GAS2: variants seen among roughly 807,000 people sequenced by gnomAD.
GAS2 encodes the protein growth arrest-specific protein 2.
Under a neutral mutation model 37.5 loss-of-function variants are expected in GAS2, and 20 were observed. The ratio of observed to expected loss-of-function variants is 0.53; its 90% CI spans 0.37 to 0.77. The LOEUF is 0.77. Among genes scored for constraint, GAS2 ranks in the 30% least tolerant of loss-of-function variants. GAS2 has a pLI of 0.00. For synonymous variants in GAS2, 144 were observed against 132.2 expected (o/e 1.09, Z -0.61); for missense variants, 336 against 373.4 (o/e 0.90, Z 0.82).
intron 6 of GAS2, among the ~76,000 whole-genome samples, chr11:22,750,528 A>T (rs1853668640): frequency 6.6e-6 from 1 of 152,088 alleles, no homozygotes; most frequent in Admixed American, 6.6e-5. Flanking sequence ...ACTAAAGAAG[A>T]ACAGGAAAGA....
intron 3 of GAS2, among the ~76,000 whole-genome samples, chr11:22,715,911 C>A (rs1311559806): frequency 3.3e-5 from 5 of 151,800 alleles, no homozygotes; most frequent in African/African-American, 1.2e-4. Flanking sequence ...AACTACAAAC[C>A]AATATCCCTG....
At chr11:22,716,098 C>T (rs1851666505) in intron 3 of GAS2, among the ~76,000 whole-genome samples, 1 of 152,122 alleles carries the variant, frequency 6.6e-6, no homozygotes, top group African/African-American at 2.4e-5. Context: ...AACATACGAT[C>T]ATCTCAGTAG....
At chr11:22,777,301 T>A (rs546487185) in intron 7 of GAS2, among the ~76,000 whole-genome samples, 53 of 152,284 alleles carry the variant, frequency 3.5e-4, no homozygotes, top group Admixed American at 4.6e-4. Flanking sequence ...CTCTTGTATA[T>A]AAGGAACTGG....
intron 1 of GAS2, among the ~76,000 whole-genome samples, chr11:22,654,677 T>A (rs1329351589): frequency 1.3e-5 from 2 of 152,308 alleles, no homozygotes; most frequent in African/African-American, 4.8e-5. Context: ...ATTACAAATG[T>A]AAGCCATCAT....
At chr11:22,678,422 A>AG (rs1225141841) in intron 2 of GAS2, among the ~76,000 whole-genome samples, 1 of 152,104 alleles carries the variant, frequency 6.6e-6, no homozygotes. Context: ...TTTATTATGC[A>AG]GCTCTTTTTC....
At chr11:22,691,605 T>C (rs1224881675) in intron 3 of GAS2, among the ~76,000 whole-genome samples, 1 of 152,194 alleles carries the variant, frequency 6.6e-6, no homozygotes, top group African/African-American at 2.4e-5. Context: ...TTTATTGTTC[T>C]AAATTGCAAA....
chr11:22,801,231 A>C (rs1200182379), intron 7 of GAS2, among the ~76,000 whole-genome samples: 2 of 152,100 alleles, frequency 1.3e-5, no homozygotes, highest in Non-Finnish European at 2.9e-5. Context: ...CTGTTATCAC[A>C]TATCATAGAA....
chr11:22,804,132 T>A lies in GAS2; in HGVS notation c.724-7666T>A, dbSNP rs146020157. ...TGAACATCAGGGAAGAAGCAAGGGC[T>A]AGAGTTATAATTTGGGAAACAAAAG... On this transcript the variant is annotated intron_variant, in intron 7 of 7. Coordinates refer to ENST00000454584, the MANE Select transcript of GAS2 (RefSeq NM_001143830.3). Among the ~76,000 whole-genome samples, 1,003 of 152,212 alleles carry A rather than the reference T, an allele frequency of 6.6e-3. 7 individuals are homozygous for A. The highest frequency in any genetic ancestry group is 0.019 in the African/African-American group (794 of 41,534).
At chr11:22,727,420 T>G (rs892239457) in intron 4 of GAS2, among the ~76,000 whole-genome samples, 6 of 152,060 alleles carry the variant, frequency 3.9e-5, no homozygotes, top group African/African-American at 1.4e-4. Flanking sequence ...CTATTGCCCC[T>G]AGGCCCCATT....
intron 1 of GAS2, among the ~76,000 whole-genome samples, chr11:22,642,498 GT>G (rs1403992970): frequency 1.3e-5 from 2 of 152,056 alleles, no homozygotes; most frequent in Non-Finnish European, 2.9e-5. Context: ...TTATAAACTT[GT>G]TTTTTCATCA....
chr11:22,743,039 T>C (rs1198882264), intron 5 of GAS2, among the ~76,000 whole-genome samples: 1 of 152,080 alleles, frequency 6.6e-6, no homozygotes, highest in East Asian at 1.9e-4. Flanking sequence ...ATTTTATAGC[T>C]TCCTGGAACT....
intron 3 of GAS2, among the ~76,000 whole-genome samples, chr11:22,695,965 A>G (rs888277210): frequency 3.3e-5 from 5 of 151,986 alleles, no homozygotes; most frequent in Non-Finnish European, 5.9e-5. Flanking sequence ...ATTATACTTT[A>G]AGTTTTAGGG....
chr11:22,739,593 A>G (rs1256804970), intron 5 of GAS2, among the ~76,000 whole-genome samples: 3 of 149,220 alleles, frequency 2.0e-5, no homozygotes, highest in Non-Finnish European at 4.4e-5. Flanking sequence ...AAAAAAAAAA[A>G]AAAAGAAAGG....
chr11:22,705,571 A>G (rs1359351681), intron 3 of GAS2, among the ~76,000 whole-genome samples: 1 of 152,212 alleles, frequency 6.6e-6, no homozygotes, highest in Non-Finnish European at 1.5e-5. Context: ...ATATAATAAT[A>G]TAGATATCAA....
At chr11:22,636,104 G>C (rs932674435) in intron 1 of GAS2, among the ~76,000 whole-genome samples, 1 of 152,180 alleles carries the variant, frequency 6.6e-6, no homozygotes, top group South Asian at 2.1e-4. Flanking sequence ...CTATGTTTTT[G>C]TTTGTTTGTT....
intron 1 of GAS2, among the ~76,000 whole-genome samples, chr11:22,636,399 T>A (rs1048388154): frequency 4.6e-5 from 7 of 152,176 alleles, no homozygotes; most frequent in African/African-American, 1.7e-4. Flanking sequence ...AAATATAAAA[T>A]GCCACAGATA....
intron 6 of GAS2, among the ~76,000 whole-genome samples, chr11:22,750,763 G>A (rs1223222698): frequency 6.6e-6 from 1 of 151,788 alleles, no homozygotes; most frequent in Non-Finnish European, 1.5e-5. Context: ...AGGGTAAGAT[G>A]TACCTCTAGT....
intron 3 of GAS2, among the ~76,000 whole-genome samples, chr11:22,695,270 A>G (rs1252060174): frequency 1.3e-5 from 2 of 152,254 alleles, no homozygotes; most frequent in East Asian, 1.9e-4. Context: ...CAGTTAGCCA[A>G]GATCACGCCA....
intron 7 of GAS2, among the ~76,000 whole-genome samples, chr11:22,795,379 A>G (rs1225716713): frequency 3.3e-5 from 5 of 152,116 alleles, no homozygotes. Flanking sequence ...CAATGGGGAA[A>G]GAGAAGCAGA....
Sources: gnomAD v4.1 joint callset for allele counts (sites outside exome capture counted in the v4.1 genomes callset) on GRCh38, gnomAD v4.1.1 for gene constraint, MANE v1.5 for transcripts, NCBI Gene and HGNC (gene_info 2026-07-23, HGNC 2026-07-21) for gene names.